The following RNLS variants were observed in gnomAD, a reference collection of about 807,000 sequenced individuals.
RNLS encodes renalase, FAD dependent amine oxidase.
In RNLS, 39 loss-of-function variants were observed where a neutral mutation model predicts 39.8. The observed-to-expected ratio is 0.98, with a 90% confidence interval of 0.76 to 1.28. The LOEUF is 1.28. RNLS is among the 50% of genes most tolerant of loss of function. The pLI, the probability that RNLS is intolerant of heterozygous loss-of-function variation, is 0.00. For missense variants in RNLS, 410 were observed against 413.3 expected (o/e 0.99, Z 0.07); for synonymous variants, 147 against 150.7 (o/e 0.98, Z 0.18).
chr10:88,226,658 G>A, the RNLS span, among the ~76,000 whole-genome samples: 1,840 of 150,170 alleles, frequency 0.012, 42 homozygotes, highest in African/African-American at 0.042. Context: ...GGCTGTGTTT[G>A]CAGATAAGTG....
chr10:88,294,807 A>T (rs868746823), intron 6 of RNLS, among the ~76,000 whole-genome samples: 6 of 152,202 alleles, frequency 3.9e-5, no homozygotes, highest in Non-Finnish European at 8.8e-5. Flanking sequence ...AAAAAAGCTA[A>T]TTCAAAGTCT....
the RNLS span, among the ~76,000 whole-genome samples, chr10:88,175,307 T>G: frequency 6.6e-6 from 1 of 152,122 alleles, no homozygotes; most frequent in Non-Finnish European, 1.5e-5. Flanking sequence ...TGGTTTGTTC[T>G]TGCTTTTCGA....
chr10:88,376,049 T>C (rs913745527), intron 4 of RNLS, among the ~76,000 whole-genome samples: 1 of 152,042 alleles, frequency 6.6e-6, no homozygotes, highest in Non-Finnish European at 1.5e-5. Context: ...CTCAGAAAAA[T>C]AGGTGTTAAT....
the RNLS span, among the ~76,000 whole-genome samples, chr10:88,246,589 A>G: frequency 6.6e-6 from 1 of 151,946 alleles, no homozygotes; most frequent in African/African-American, 2.4e-5. Context: ...TGTAGGTAAT[A>G]TAACAGATTT....
intron 4 of RNLS, among the ~76,000 whole-genome samples, chr10:88,496,209 G>C (rs759301685): frequency 9.9e-5 from 15 of 152,114 alleles, no homozygotes; most frequent in Non-Finnish European, 2.9e-5. Flanking sequence ...AGTGGTTATA[G>C]ACAAGACTGT....
intron 4 of RNLS, among the ~76,000 whole-genome samples, chr10:88,443,350 CA>C (rs1273838471): frequency 6.6e-6 from 1 of 152,100 alleles, no homozygotes; most frequent in Non-Finnish European, 1.5e-5. Context: ...CCAAGATGGC[CA>C]AATAGGAACA....
At chr10:88,510,725 T>C (rs1449942738) in intron 4 of RNLS, among the ~76,000 whole-genome samples, 11 of 151,734 alleles carry the variant, frequency 7.2e-5, no homozygotes, top group African/African-American at 2.4e-4. Context: ...GCGCCTGTAA[T>C]ACACCCAGCT....
At chr10:88,412,135 G>A (rs1159758888) in intron 4 of RNLS, among the ~76,000 whole-genome samples, 2 of 152,056 alleles carry the variant, frequency 1.3e-5, no homozygotes, top group African/African-American at 2.4e-5. Flanking sequence ...ATGAAGCCAT[G>A]AGAGATTGAA....
At chr10:88,559,260 A>G (rs910470764) in intron 4 of RNLS, among the ~76,000 whole-genome samples, 1 of 152,194 alleles carries the variant, frequency 6.6e-6, no homozygotes, top group Non-Finnish European at 1.5e-5. Flanking sequence ...CAGTTTAAGC[A>G]TATGTTAAGG....
chr10:88,502,137 AG>A (rs1168319751), intron 4 of RNLS, among the ~76,000 whole-genome samples: 1 of 152,084 alleles, frequency 6.6e-6, no homozygotes, highest in Non-Finnish European at 1.5e-5. Flanking sequence ...AGAAACACCC[AG>A]GGGTACTTGT....
At chr10:88,478,738 A>G (rs1843967032) in intron 4 of RNLS, among the ~76,000 whole-genome samples, 2 of 152,168 alleles carry the variant, frequency 1.3e-5, no homozygotes, top group African/African-American at 2.4e-5. Context: ...TTTCTGGCAC[A>G]CAAACCCATC....
At chr10:88,419,492 T>G (rs2133748863) in intron 4 of RNLS, among the ~76,000 whole-genome samples, 1 of 152,348 alleles carries the variant, frequency 6.6e-6, no homozygotes, top group South Asian at 2.1e-4. Flanking sequence ...CAAGACTGAT[T>G]CAATGTTTTC....
chr10:88,188,858 G>C, the RNLS span, among the ~76,000 whole-genome samples: 1 of 152,112 alleles, frequency 6.6e-6, no homozygotes, highest in Non-Finnish European at 1.5e-5. Context: ...TCATGTTTTT[G>C]AGTCTCTTCT....
downstream of RNLS, among the ~76,000 whole-genome samples, chr10:88,279,439 G>T (rs570113799): frequency 1.3e-5 from 2 of 152,074 alleles, no homozygotes; most frequent in Non-Finnish European, 2.9e-5. Context: ...AGGTAAAATT[G>T]TATCCACATT....
At chr10:88,460,211 T>C (rs567558814) in intron 4 of RNLS, among the ~76,000 whole-genome samples, 2 of 152,288 alleles carry the variant, frequency 1.3e-5, no homozygotes, top group Non-Finnish European at 2.9e-5. Flanking sequence ...ATAAAATCTC[T>C]TTATTAGACA....
At chr10:88,237,089 A>G in the RNLS span, among the ~76,000 whole-genome samples, 78 of 152,278 alleles carry the variant, frequency 5.1e-4, 1 homozygote, top group Non-Finnish European at 9.7e-4. Context: ...AGTCTTATGA[A>G]GGAAACGTCT....
intron 4 of RNLS, among the ~76,000 whole-genome samples, chr10:88,366,447 T>A (rs1409073755): frequency 1.3e-5 from 2 of 150,332 alleles, no homozygotes; most frequent in African/African-American, 4.9e-5. Context: ...AATATATAGG[T>A]GTGTGTGTGT....
At chr10:88,303,904 C>G (rs1844726238) in intron 6 of RNLS, among the ~76,000 whole-genome samples, 1 of 152,190 alleles carries the variant, frequency 6.6e-6, no homozygotes, top group Non-Finnish European at 1.5e-5. Context: ...TTACCTCCAC[C>G]AATGTGGTGA....
At chr10:88,265,983 G>A in the RNLS span, among the ~76,000 whole-genome samples, 1 of 152,162 alleles carries the variant, frequency 6.6e-6, no homozygotes, top group Admixed American at 6.5e-5. Flanking sequence ...CCAGCATGAG[G>A]CAGCTCACAT....
Sources: allele counts gnomAD v4.1 joint callset (sites outside exome capture counted in the v4.1 genomes callset), GRCh38; gene constraint gnomAD v4.1.1; transcripts MANE v1.5; gene names NCBI Gene and HGNC (gene_info 2026-07-23, HGNC 2026-07-21).